The following SPSB1 variants were observed in gnomAD, a reference collection of about 807,000 sequenced individuals.
The protein encoded by SPSB1 is splA/ryanodine receptor domain and SOCS box containing 1, also known as SPRY domain-containing SOCS box protein 1.
Under a neutral mutation model 21.2 loss-of-function variants are expected in SPSB1, and 8 were observed. That is an observed-to-expected ratio of 0.38 (90% CI 0.22 to 0.68). SPSB1 has a LOEUF of 0.68. SPSB1 is among the 30% of genes least tolerant of loss of function. The probability of loss-of-function intolerance (pLI) is 0.53; values close to 1 mark genes in which losing one functional copy is unlikely to be tolerated. For synonymous variants in SPSB1, 169 were observed against 161.7 expected (o/e 1.05, Z -0.34); for missense variants, 242 against 377.8 (o/e 0.64, Z 2.98).
At chr1:9,358,226 G>T (rs145137377) in intron 2 of SPSB1, among the ~76,000 whole-genome samples, 14 of 152,162 alleles carry the variant, frequency 9.2e-5, no homozygotes, top group African/African-American at 3.4e-4. Context: ...AAGCCTCCCC[G>T]CCCCTCTTTC....
Position 9,293,708 on chromosome 1 carries a change from G to A in SPSB1, c.-150+637G>A, listed in dbSNP as rs1042569705. Among the ~76,000 whole-genome samples the A allele has an allele frequency of 2.6e-5, 4 of 152,144 alleles. No individual in the cohort carries two copies. Among genetic ancestry groups the A allele is most frequent in the African/African-American group, 4.8e-5 (2 of 41,434 alleles). The stretch of plus-strand genomic sequence containing the variant: ...CGATTAAATCAGAAAAACAAGGGCG[G>A]CCTGGGCCCGCGGGAGGAACCGCGG... On this transcript the variant is annotated intron_variant, in intron 1 of 2. Coordinates refer to ENST00000328089, the MANE Select transcript of SPSB1 (RefSeq NM_025106.4). The surrounding 1 kb of genome is among the most constrained non-coding windows in gnomAD (Gnocchi z 5.1).
chr1:9,318,711 C>T (rs1174321895), intron 1 of SPSB1, among the ~76,000 whole-genome samples: 6 of 152,198 alleles, frequency 3.9e-5, no homozygotes, highest in Non-Finnish European at 8.8e-5. Flanking sequence ...GTTCTTCTGT[C>T]CATTCAGCAA....
chr1:9,293,095 A>T lies in SPSB1; in HGVS notation c.-150+24A>T. The T allele has an allele frequency of 1.0e-6, 1 of 973,174 alleles. No homozygotes were observed. Among genetic ancestry groups the T allele is most frequent in the Non-Finnish European group, 1.2e-6 (1 of 823,444 alleles). 60.3% of individuals were successfully genotyped at this position (973,174 alleles called of 1,614,324 possible). ...CGGTAGGCGGCGCGGGGCACCTGGG[A>T]CCCCGATGGGTGGGCGACCGGCCCG... is the stretch of plus-strand genomic sequence containing the variant. On this transcript the variant is annotated intron_variant, in intron 1 of 2. Transcript: ENST00000328089. The surrounding 1 kb of genome is among the most constrained non-coding windows in gnomAD (Gnocchi z 5.1).
intron 1 of SPSB1, among the ~76,000 whole-genome samples, chr1:9,339,459 T>C (rs1448665891): frequency 1.3e-5 from 2 of 152,122 alleles, no homozygotes; most frequent in African/African-American, 4.8e-5. Flanking sequence ...ACGGCTGCAG[T>C]GGAGGCCAAC....
chr1:9,311,529 C>G (rs1234708302), intron 1 of SPSB1, among the ~76,000 whole-genome samples: 1 of 152,126 alleles, frequency 6.6e-6, no homozygotes, highest in Non-Finnish European at 1.5e-5. Context: ...AAAGACCGAT[C>G]GGGCTTAGAA....
At chr1:9,312,511 T>G (rs1487128315) in intron 1 of SPSB1, among the ~76,000 whole-genome samples, 3 of 152,202 alleles carry the variant, frequency 2.0e-5, no homozygotes, top group African/African-American at 7.2e-5. Flanking sequence ...CAGGCAGCCG[T>G]GGACACCGTC....
At chr1:9,314,202 A>T (rs1159140626) in intron 1 of SPSB1, among the ~76,000 whole-genome samples, 1 of 151,938 alleles carries the variant, frequency 6.6e-6, no homozygotes, top group Non-Finnish European at 1.5e-5. Context: ...AAACAAAAAA[A>T]ACAGTGAACG....
chr1:9,343,828 T>C (rs112176700), intron 1 of SPSB1, among the ~76,000 whole-genome samples: 5,045 of 152,206 alleles, frequency 0.033, 85 homozygotes, highest in African/African-American at 0.036. Flanking sequence ...CTCTGTTGCC[T>C]AGGCTGGAGT....
chr1:9,361,171 T>C (rs1430587754), intron 2 of SPSB1, among the ~76,000 whole-genome samples: 2 of 143,334 alleles, frequency 1.4e-5, no homozygotes, highest in Admixed American at 6.9e-5. Context: ...TTTTTTTTTT[T>C]TTTTTTTTTT....
rs4908834 is a variant in SPSB1 at position 9,293,105 on chromosome 1, G to T, written c.-150+34G>T. 0.29 allele frequency: 280,806 copies of T among 980,042 alleles called. 41,138 individuals are homozygous for T. Among genetic ancestry groups the T allele is most frequent in the East Asian group, 0.59 (5,044 of 8,508 alleles). The allele number at this position is 980,042 out of a possible 1,614,324, so 60.7% of individuals were successfully genotyped here. A position where few individuals can be genotyped will look rare whatever the true frequency, so the allele number is the denominator to read the frequency against. On this transcript the variant is annotated intron_variant, in intron 1 of 2. Transcript: ENST00000328089. This position sits in a 1 kb window ranked among gnomAD's most constrained non-coding sequence, Gnocchi z 5.1. ...CGCGGGGCACCTGGGACCCCGATGG[G>T]TGGGCGACCGGCCCGGGAGGGGGAG...
At position 9,356,174 on chromosome 1, in the gene SPSB1, C is replaced by T. The variant is rs1256143862; in HGVS notation, c.283C>T (p.Arg95Cys). ...TATCAGGGGCAAAGTCGGGTATACC[C>T]GTGGGCTGCACGTGTGGCAGATCAC... ...DAIRGKVGYT[R>C]GLHVWQITWA... The change falls in exon 2 of 3, where the codon CGT becomes TGT. Residue 95 changes from arginine to cysteine, a missense_variant. Physicochemically the swap from Arg to Cys is radical, Grantham distance 180. Coordinates refer to ENST00000328089, the MANE Select transcript of SPSB1 (RefSeq NM_025106.4). The surrounding 1 kb of genome is among the most constrained non-coding windows in gnomAD (Gnocchi z 7.4). 5.0e-6 allele frequency: 8 copies of T among 1,586,744 alleles called. No homozygotes were observed. Among genetic ancestry groups the T allele is most frequent in the Non-Finnish European group, 6.0e-6 (7 of 1,164,218 alleles).
intron 1 of SPSB1, among the ~76,000 whole-genome samples, chr1:9,320,572 A>G (rs904039896): frequency 6.6e-6 from 1 of 152,234 alleles, no homozygotes; most frequent in Non-Finnish European, 1.5e-5. Flanking sequence ...TCCTTGATAC[A>G]CAGAGGAAGC....
chr1:9,323,666 C>G (rs1021981382), intron 1 of SPSB1, among the ~76,000 whole-genome samples: 1 of 152,166 alleles, frequency 6.6e-6, no homozygotes, highest in African/African-American at 2.4e-5. Flanking sequence ...CATGGCTGCC[C>G]GCGCGTCTCC....
rs1335459398 is a variant in SPSB1 at position 9,348,953 on chromosome 1, G to A, written c.-149-6790G>A. Among the ~76,000 whole-genome samples the A allele has an allele frequency of 2.7e-5, 4 of 150,062 alleles. No homozygotes were observed. Among genetic ancestry groups the A allele is most frequent in the Non-Finnish European group, 6.0e-5 (4 of 66,878 alleles). On this transcript the variant is annotated intron_variant, in intron 1 of 2. Transcript: ENST00000328089. This position sits in a 1 kb window ranked among gnomAD's most constrained non-coding sequence, Gnocchi z 4.8. ...CGTGCAAGAATGTGTGTGTGTGTGT[G>A]TGTGTGTGTGTATATGTGCGTGTGT... is the stretch of plus-strand genomic sequence containing the variant.
chr1:9,301,873 G>C (rs1639335134), intron 1 of SPSB1, among the ~76,000 whole-genome samples: 1 of 152,234 alleles, frequency 6.6e-6, no homozygotes, highest in Admixed American at 6.5e-5. Context: ...GACCACTTCT[G>C]TTTTGGAAGG....
At chr1:9,311,478 C>T (rs1639519066) in intron 1 of SPSB1, among the ~76,000 whole-genome samples, 1 of 152,138 alleles carries the variant, frequency 6.6e-6, no homozygotes, top group South Asian at 2.1e-4. Context: ...AACAAATATT[C>T]GCTGGTCTCT....
At chr1:9,362,130 G>T (rs1268993908) in intron 2 of SPSB1, among the ~76,000 whole-genome samples, 1 of 152,220 alleles carries the variant, frequency 6.6e-6, no homozygotes, top group Non-Finnish European at 1.5e-5. Flanking sequence ...GCTGGACTCT[G>T]CCGGGAGCTA....
chr1:9,325,729 G>A (rs1047451345), intron 1 of SPSB1, among the ~76,000 whole-genome samples: 1 of 152,200 alleles, frequency 6.6e-6, no homozygotes, highest in Non-Finnish European at 1.5e-5. Context: ...GTTCCATGGG[G>A]AAGCTCAGAG....
intron 1 of SPSB1, among the ~76,000 whole-genome samples, chr1:9,302,694 A>G (rs1190745769): frequency 6.6e-6 from 1 of 152,226 alleles, no homozygotes; most frequent in Non-Finnish European, 1.5e-5. Context: ...AAAGAAGGGC[A>G]GTAGAGTCTT....
Sources: allele counts gnomAD v4.1 joint callset (sites outside exome capture counted in the v4.1 genomes callset), GRCh38; gene constraint gnomAD v4.1.1; non-coding constraint Gnocchi (gnomAD v3.1); transcripts MANE v1.5; gene names NCBI Gene and HGNC (gene_info 2026-07-23, HGNC 2026-07-21).